NCOR2: variants seen among roughly 807,000 people sequenced by gnomAD.
NCOR2 encodes CTG repeat protein 26.
In NCOR2, 81 loss-of-function variants were observed where a neutral mutation model predicts 262.9. The observed-to-expected ratio is 0.31, with a 90% CI of 0.26 to 0.37. NCOR2 has a LOEUF of 0.37. NCOR2 is among the 10% of genes least tolerant of loss of function. The pLI is 1.00. For missense variants in NCOR2, 3,385 were observed against 3,621.4 expected (o/e 0.93, Z 1.68); for synonymous variants, 1,659 against 1,559.3 (o/e 1.06, Z -1.51).
chr12:124,565,697 T>C (rs879663222), intron 1 of NCOR2, among the ~76,000 whole-genome samples: 4 of 152,242 alleles, frequency 2.6e-5, no homozygotes, highest in East Asian at 1.9e-4. Context: ...GGGATTCTTA[T>C]GGCCGGACGG....
chr12:124,327,784 G>T, intron 44 of NCOR2, 151 bp from the exon 47 acceptor site: 2 of 618,648 alleles, frequency 3.2e-6, no homozygotes, highest in East Asian at 2.8e-5. Flanking sequence ...TTTCGGCAAA[G>T]CAACATATTT....
At chr12:124,363,759 C>T (rs753655124) in exon 21 of NCOR2, 40 of 1,381,534 alleles carry the variant, frequency 2.9e-5, no homozygotes, top group Non-Finnish European at 3.4e-5. Context: ...GCCCGGGGGT[C>T]GCCAGTCGGG....
At chr12:124,451,816 C>T (rs988749358) in intron 6 of NCOR2, among the ~76,000 whole-genome samples, 8 of 152,268 alleles carry the variant, frequency 5.3e-5, no homozygotes, top group Admixed American at 1.3e-4. Flanking sequence ...CTCCTGATGA[C>T]GCCGGCAGAG....
chr12:124,331,247 G>T (rs540203435), intron 43 of NCOR2, among the ~76,000 whole-genome samples: 1 of 152,114 alleles, frequency 6.6e-6, no homozygotes, highest in Admixed American at 6.5e-5. Context: ...ATTTTTAGTA[G>T]AGACGGGGTT....
intron 17 of NCOR2, among the ~76,000 whole-genome samples, chr12:124,381,535 A>T (rs145838175): frequency 1.3e-3 from 201 of 152,346 alleles, no homozygotes; most frequent in African/African-American, 4.5e-3. Flanking sequence ...AACAGTGTCT[A>T]GCACAGAACA....
chr12:124,369,353 C>A (rs768117177), intron 20 of NCOR2, among the ~76,000 whole-genome samples: 2 of 152,162 alleles, frequency 1.3e-5, no homozygotes, highest in African/African-American at 4.8e-5. Flanking sequence ...GTCACCGGGG[C>A]GGGGGGCCAG....
exon 33 of NCOR2, chr12:124,343,128 G>C: frequency 6.2e-7 from 1 of 1,612,286 alleles, no homozygotes; most frequent in Non-Finnish European, 8.5e-7. Flanking sequence ...ATGGGGTGTG[G>C]GTGGTGCTCG....
chr12:124,416,414 C>T (rs1387151940), intron 13 of NCOR2, among the ~76,000 whole-genome samples: 1 of 152,182 alleles, frequency 6.6e-6, no homozygotes, highest in East Asian at 1.9e-4. Context: ...ACTTGAGGGC[C>T]CCATCCCTGT....
chr12:124,490,094 G>A (rs147046797), intron 1 of NCOR2, among the ~76,000 whole-genome samples: 162 of 152,306 alleles, frequency 1.1e-3, no homozygotes, highest in Admixed American at 1.8e-3. Context: ...AGTCAAGAGA[G>A]CTCCCACCTC....
chr12:124,412,607 C>T (rs3782267), intron 13 of NCOR2, among the ~76,000 whole-genome samples: 63,194 of 152,150 alleles, frequency 0.42, 15,976 homozygotes, highest in Non-Finnish European at 0.55. Context: ...TGGGAAGGGC[C>T]GTTCCAGCTT....
intron 11 of NCOR2, among the ~76,000 whole-genome samples, chr12:124,423,242 A>G (rs193116094): frequency 1.3e-5 from 2 of 152,312 alleles, no homozygotes; most frequent in Non-Finnish European, 2.9e-5. Context: ...ATGTGGGTCA[A>G]GGCCTGCTCC....
intron 6 of NCOR2, among the ~76,000 whole-genome samples, chr12:124,452,366 T>C (rs1172598757): frequency 6.6e-6 from 1 of 152,198 alleles, no homozygotes; most frequent in Non-Finnish European, 1.5e-5. Flanking sequence ...CGGACATCAC[T>C]TAAAGGTTCG....
intron 1 of NCOR2, among the ~76,000 whole-genome samples, chr12:124,550,097 C>CTACT (rs1168624599): frequency 1.3e-5 from 2 of 152,078 alleles, no homozygotes; most frequent in Non-Finnish European, 2.9e-5. Flanking sequence ...GGCTGAGGTG[C>CTACT]TACTGGGGTC....
intron 32 of NCOR2, among the ~76,000 whole-genome samples, chr12:124,343,472 G>A (rs1158797450): frequency 1.3e-5 from 2 of 152,178 alleles, no homozygotes; most frequent in Admixed American, 1.3e-4. Flanking sequence ...CCTCTACTAC[G>A]TGGCAAGCAT....
chr12:124,501,004 A>G (rs2048679886), intron 1 of NCOR2, among the ~76,000 whole-genome samples: 1 of 151,814 alleles, frequency 6.6e-6, no homozygotes, highest in African/African-American at 2.4e-5. Flanking sequence ...GAGCCTCGGG[A>G]TTAAAAACCA....
chr12:124,353,062 C>T (rs1222454141), intron 27 of NCOR2, among the ~76,000 whole-genome samples: 1 of 152,242 alleles, frequency 6.6e-6, no homozygotes, highest in East Asian at 1.9e-4. Flanking sequence ...TTGCCTATCT[C>T]ACATGTTTTG....
At chr12:124,528,306 T>C (rs1046450017) in intron 1 of NCOR2, among the ~76,000 whole-genome samples, 1 of 152,230 alleles carries the variant, frequency 6.6e-6, no homozygotes, top group African/African-American at 2.4e-5. Context: ...GAATCTGATG[T>C]AATTAGGCAC....
intron 4 of NCOR2, among the ~76,000 whole-genome samples, chr12:124,466,592 G>A (rs1593669996): frequency 6.6e-6 from 1 of 152,110 alleles, no homozygotes; most frequent in African/African-American, 2.4e-5. Context: ...ATCAGTAAAC[G>A]GGGCTGATTG....
chr12:124,545,015 C>A (rs1253175964), intron 1 of NCOR2, among the ~76,000 whole-genome samples: 2 of 152,176 alleles, frequency 1.3e-5, no homozygotes, highest in South Asian at 2.1e-4. Context: ...GTGTGCCCAT[C>A]TGTAAAACGG....
Sources: gnomAD v4.1 joint callset for allele counts (sites outside exome capture counted in the v4.1 genomes callset) on GRCh38, gnomAD v4.1.1 for gene constraint, MANE v1.5 for transcripts, NCBI Gene and HGNC (gene_info 2026-07-23, HGNC 2026-07-21) for gene names.